Variants in CSF3R observed in about 807,000 individuals in gnomAD.
CSF3R encodes the protein granulocyte colony-stimulating factor receptor.
In CSF3R, 52 loss-of-function variants were observed where a neutral mutation model predicts 84.4. That is an observed-to-expected ratio of 0.62 (90% CI 0.49 to 0.78). The LOEUF (loss-of-function observed/expected upper bound fraction) is 0.78, where lower values mean the gene tolerates loss of function less well. Among genes scored for constraint, CSF3R ranks in the 30% least tolerant of loss-of-function variants. The pLI is 0.00. For missense variants in CSF3R, 890 were observed against 1,055.7 expected, an observed-to-expected ratio of 0.84 and a Z score of 2.17; for synonymous variants, 384 against 429.1, an observed-to-expected ratio of 0.89 and a Z score of 1.30.
At chr1:36,473,104 C>T (rs1340987796) in intron 6 of CSF3R, 5 of 410,786 alleles carry the variant, frequency 1.2e-5, no homozygotes, top group Admixed American at 4.2e-5. Flanking sequence ...TTATTTTCCC[C>T]CCCACTTGAA....
At chr1:36,482,312 G>A (rs1035214970) in intron 1 of CSF3R, among the ~76,000 whole-genome samples, 1 of 151,682 alleles carries the variant, frequency 6.6e-6, no homozygotes, top group Non-Finnish European at 1.5e-5. Context: ...GGGCGGGGGG[G>A]GGGCACTCGG....
chr1:36,480,805 A>G (rs914630751), intron 2 of CSF3R, among the ~76,000 whole-genome samples: 3 of 152,144 alleles, frequency 2.0e-5, no homozygotes, highest in Non-Finnish European at 4.4e-5. Context: ...CAGTCTATCC[A>G]TGTATATATT....
chr1:36,478,083 A>G (rs1651277977), intron 3 of CSF3R, among the ~76,000 whole-genome samples: 2 of 152,150 alleles, frequency 1.3e-5, no homozygotes, highest in African/African-American at 4.8e-5. Flanking sequence ...AGGCTGGAAG[A>G]AACTTTACAA....
In CSF3R at chr1:36,473,629, A is replaced by G. The variant is rs779861909; in HGVS notation, c.486-7T>C. 2.5e-6 allele frequency: 4 copies of G among 1,613,980 alleles called. No individual in the cohort carries two copies. The highest frequency in any genetic ancestry group is 1.1e-5 in the South Asian group (1 of 91,084). ...CTGACAGTTGCCCCGGCTCCTGCCA[A>G]TAGTCCAGGCTTGGGTGCCAAGCAG... On this transcript the variant is annotated splice_region_variant and splice_polypyrimidine_tract_variant and intron_variant, in intron 5 of 16. Transcript: ENST00000373106.
At chr1:36,477,698 C>G (rs1651243650) in intron 3 of CSF3R, 1 of 152,156 alleles carries the variant, frequency 6.6e-6, no homozygotes, top group African/African-American at 2.4e-5. Flanking sequence ...AAGCAGTTTG[C>G]CCAGGGTCAC....
chr1:36,472,339 G>C lies in CSF3R; in HGVS notation c.896C>G (p.Pro299Arg). Residue 299 changes from proline to arginine, a missense_variant, in exon 8 of 17, where the codon CCA becomes CGA. By Grantham distance (103) the Pro-to-Arg change is moderately radical. Transcript: ENST00000373106. This position sits in a 1 kb window ranked among gnomAD's most constrained non-coding sequence, Gnocchi z 5.0. ...ALQYELCGLL[P>R]ATAYTLQIRC... The stretch of plus-strand genomic sequence containing the variant: ...TATCTGCAGGGTGTAGGCCGTGGCT[G>C]GGAGGAGCCCGCAGAGCTCATACTG... 6.2e-7 allele frequency: 1 copy of C among 1,614,224 alleles called. No homozygotes were observed. The highest frequency in any genetic ancestry group is 8.5e-7 in the Non-Finnish European group (1 of 1,180,038).
At position 36,466,232 on chromosome 1, in the gene CSF3R, GT is replaced by G; in HGVS notation, c.*124del. ...AGATTGGGAGGAGAGGGAGATGCTG[GT>G]GACTGGAGATGGTGAGAGCCTGGGC... is the stretch of plus-strand genomic sequence containing the variant. On this transcript the variant is annotated 3_prime_UTR_variant, in exon 17 of 17. Coordinates refer to ENST00000373106, the MANE Select transcript of CSF3R (RefSeq NM_000760.4). The surrounding 1 kb of genome is among the most constrained non-coding windows in gnomAD (Gnocchi z 4.6). 3 of 1,614,140 alleles carry G rather than the reference GT, an allele frequency of 1.9e-6. No homozygotes were observed. The highest frequency in any genetic ancestry group is 2.5e-6 in the Non-Finnish European group (3 of 1,180,018).
chr1:36,471,822 G>A, intron 9 of CSF3R, 176 bp from the exon 10 acceptor site: 1 of 721,782 alleles, frequency 1.4e-6, no homozygotes, highest in South Asian at 1.8e-5. Flanking sequence ...AGGAAGGAGG[G>A]CAGGAAGAAA....
chr1:36,473,622 C>T lies in CSF3R; in HGVS notation c.486G>A (p.Lys162=). 1 of 1,614,026 alleles carries T rather than the reference C, an allele frequency of 6.2e-7. No individual in the cohort carries two copies. The part of the protein sequence containing the change: ...LPTSFTLKSF[K]SRGNCQTQGD... ...CTTGGGTCTGACAGTTGCCCCGGCT[C>T]CTGCCAATAGTCCAGGCTTGGGTGC... The change falls in exon 6 of 17, where the codon AAG becomes AAA. Residue 162 remains lysine (K), a splice_region_variant and synonymous_variant. Coordinates refer to ENST00000373106, the MANE Select transcript of CSF3R (RefSeq NM_000760.4).
In CSF3R at chr1:36,472,375, A is replaced by G; in HGVS notation, c.860T>C (p.Leu287Ser). ...GCAGAGCTCATACTGAAGGGCCTCC[A>G]AGGGGAGGGGGCCCACCTGGTGAGG... is the stretch of plus-strand genomic sequence containing the variant. Reference protein sequence around the residue: ...ASWALVGPLPLEALQYELCGL... With the variant: ...ASWALVGPLPSEALQYELCGL... Residue 287 changes from leucine to serine, a missense_variant, in exon 8 of 17, where the codon TTG becomes TCG. By Grantham distance (145) the Leu-to-Ser change is moderately radical. Coordinates refer to ENST00000373106, the MANE Select transcript of CSF3R (RefSeq NM_000760.4). The surrounding 1 kb of genome is among the most constrained non-coding windows in gnomAD (Gnocchi z 5.0). 1 of 1,614,066 alleles carries G rather than the reference A, an allele frequency of 6.2e-7. No homozygotes were observed. Among genetic ancestry groups the G allele is most frequent in the Non-Finnish European group, 8.5e-7 (1 of 1,180,014 alleles).
chr1:36,467,585 C>T lies in CSF3R; in HGVS notation c.1931G>A (p.Gly644Glu). The change falls in exon 15 of 17, where the codon GGA (glycine) becomes GAA (glutamate). Residue 644 changes from glycine to glutamate, a missense_variant. Transcript: ENST00000373106. The surrounding 1 kb of genome is among the most constrained non-coding windows in gnomAD (Gnocchi z 4.1). ...GGGGCTGCAACAGAGCCAGGCAGTT[C>T]CACAGAGGCAGGTGAGCAACAGCAG... ...GLLLLLTCLCGTAWLCCSPNR... is the reference protein window; with the variant it reads ...GLLLLLTCLCETAWLCCSPNR... The T allele has an allele frequency of 1.9e-6, 3 of 1,614,110 alleles. No individual in the cohort carries two copies. Among genetic ancestry groups the T allele is most frequent in the Non-Finnish European group, 1.7e-6 (2 of 1,180,016 alleles).
At chr1:36,479,266 G>A in intron 3 of CSF3R, 167 bp downstream of exon 3, 1 of 738,956 alleles carries the variant, frequency 1.4e-6, no homozygotes, top group East Asian at 2.7e-5. Flanking sequence ...GTTTGCCTGT[G>A]GAAGTCTGTG....
At chr1:36,469,324 C>T in intron 11 of CSF3R, 67 bp from the exon 12 acceptor site, 2 of 1,267,292 alleles carry the variant, frequency 1.6e-6, no homozygotes, top group Non-Finnish European at 2.3e-6. Flanking sequence ...CAGGAGCTAG[C>T]CTCAGACCTC....
At position 36,467,670 on chromosome 1, in the gene CSF3R, C is replaced by T. The variant is rs781034943; in HGVS notation, c.1865-19G>A. ...GACCCCTCTGCAGTGAGGGCAGGGC[C>T]GGAAGAAGTTAGAATGCATGTTGGG... On this transcript the variant is annotated intron_variant, in intron 14 of 16. Coordinates refer to ENST00000373106, the MANE Select transcript of CSF3R (RefSeq NM_000760.4). The surrounding 1 kb of genome is among the most constrained non-coding windows in gnomAD (Gnocchi z 4.1). 1.2e-5 allele frequency: 19 copies of T among 1,613,778 alleles called. No homozygotes were observed. The highest frequency in any genetic ancestry group is 4.0e-5 in the African/African-American group (3 of 74,908).
rs773407408 is a variant in CSF3R, at chr1:36,468,054, G to A, written c.1723+21C>T. The A allele has an allele frequency of 1.9e-6, 3 of 1,614,246 alleles. No homozygotes were observed. In the South Asian group the frequency reaches 3.3e-5, roughly 18 times the overall value. On this transcript the variant is annotated intron_variant, in intron 13 of 16. Transcript: ENST00000373106. ...CCTTCCAGGCCTTCTGGGGCTGTGGGGGAACTGAGGATAGACTCACAGAAG... is the reference window on the plus strand; with the variant it reads ...CCTTCCAGGCCTTCTGGGGCTGTGGAGGAACTGAGGATAGACTCACAGAAG...
chr1:36,474,642 G>T (rs567120452), intron 4 of CSF3R, among the ~76,000 whole-genome samples: 7 of 152,034 alleles, frequency 4.6e-5, no homozygotes, highest in African/African-American at 1.7e-4. Context: ...CAAGAACCTC[G>T]GTCTTTGTTT....
intron 12 of CSF3R, 150 bp downstream of exon 12, chr1:36,469,006 G>T: frequency 1.5e-6 from 1 of 681,956 alleles, no homozygotes; most frequent in Non-Finnish European, 2.7e-6. Context: ...TAGGGATCCA[G>T]TGTAAGCCAG....
At chr1:36,476,066 C>G (rs1212983074) in intron 3 of CSF3R, 1 of 192,874 alleles carries the variant, frequency 5.2e-6, no homozygotes, top group Non-Finnish European at 1.1e-5. Flanking sequence ...AGACTGTTAA[C>G]TCCCCAGTGC....
chr1:36,468,306 G>A (rs1412470566), intron 12 of CSF3R, 85 bp from the exon 13 acceptor site: 1 of 1,399,996 alleles, frequency 7.1e-7, no homozygotes, highest in East Asian at 2.3e-5. Context: ...CCCAGACACT[G>A]TGGGGTGGGT....
Sources: allele counts gnomAD v4.1 joint callset (sites outside exome capture counted in the v4.1 genomes callset), GRCh38; gene constraint gnomAD v4.1.1; non-coding constraint Gnocchi (gnomAD v3.1); transcripts MANE v1.5; gene names NCBI Gene and HGNC (gene_info 2026-07-23, HGNC 2026-07-21).